Variants in GBF1 observed in about 807,000 individuals in gnomAD.
The protein encoded by GBF1 is Golgi-specific brefeldin A-resistance guanine nucleotide exchange factor 1.
Under a neutral mutation model 210.5 loss-of-function variants are expected in GBF1, and 114 were observed. The ratio of observed to expected loss-of-function variants is 0.54; its 90% CI spans 0.47 to 0.63. The LOEUF (loss-of-function observed/expected upper bound fraction) is 0.63, where lower values mean the gene tolerates loss of function less well. Ranked by LOEUF, GBF1 falls within the 30% of genes least tolerant of loss-of-function variation. The pLI is 0.00. For missense variants in GBF1, 1,851 were observed against 2,357.7 expected (o/e 0.79, Z 4.45); for synonymous variants, 850 against 889.2 (o/e 0.96, Z 0.78).
chr10:102,238,476 G>A, the GBF1 span, among the ~76,000 whole-genome samples: 3 of 152,184 alleles, frequency 2.0e-5, no homozygotes, highest in African/African-American at 7.2e-5. Flanking sequence ...ACAGCGGCAG[G>A]GGTAGTGGCC....
At chr10:102,367,060 A>C (rs2059955242) in intron 19 of GBF1, 25 bp from the exon 20 acceptor site, 1 of 1,613,292 alleles carries the variant, frequency 6.2e-7, no homozygotes, top group Non-Finnish European at 8.5e-7. Flanking sequence ...GGGCATTGAC[A>C]CAGGCGGGAT....
At chr10:102,300,850 G>C (rs943421278) in intron 3 of GBF1, among the ~76,000 whole-genome samples, 2 of 152,122 alleles carry the variant, frequency 1.3e-5, no homozygotes, top group Non-Finnish European at 2.9e-5. Flanking sequence ...GCTTTGAGGA[G>C]ACAATGCCAA....
rs374769408 is a variant in GBF1 at position 102,313,358 on chromosome 10, AC to A, written c.164-30691del. The stretch of plus-strand genomic sequence containing the variant: ...GGGCCCTTACGTGAAAGAAAACAAA[AC>A]CAGCCGCTCTGTGGGCCTGTAAAAT... On this transcript the variant is annotated intron_variant, in intron 3 of 39. Coordinates refer to ENST00000369983, the MANE Select transcript of GBF1 (RefSeq NM_001377137.1). Among the ~76,000 whole-genome samples, 636 of 151,822 alleles carry A rather than the reference AC, an allele frequency of 4.2e-3. 2 individuals are homozygous for A. Among genetic ancestry groups the A allele is most frequent in the Middle Eastern group, 6.9e-3 (2 of 290 alleles).
Position 102,359,348 on chromosome 10 carries a change from G to C in GBF1, c.1093G>C (p.Ala365Pro), listed in dbSNP as rs2059463705. Residue 365 changes from alanine to proline, a missense_variant, in exon 11 of 40, where the codon GCC becomes CCC. Physicochemically the swap from Ala to Pro is conservative, Grantham distance 27. This residue lies in a region of GBF1 where 804 missense variants were observed against 958.6 expected (regional missense o/e 0.84). Transcript: ENST00000369983. Reference sequence around the variant, plus strand: ...AGTGTTAGAGGAGTGCACGTCCCCTGCCGACCACTCTGACTCTGCCTCTGT... The same window carrying C: ...AGTGTTAGAGGAGTGCACGTCCCCTCCCGACCACTCTGACTCTGCCTCTGT... The part of the protein sequence containing the change: ...PEVLEECTSP[A>P]DHSDSASVHD... 1 of 1,612,566 alleles carries C rather than the reference G, an allele frequency of 6.2e-7. No homozygotes were observed. The highest frequency in any genetic ancestry group is 8.5e-7 in the Non-Finnish European group (1 of 1,178,592).
chr10:102,271,408 T>A (rs2074404402), intron 3 of GBF1, among the ~76,000 whole-genome samples: 2 of 152,106 alleles, frequency 1.3e-5, no homozygotes, highest in Non-Finnish European at 2.9e-5. Flanking sequence ...GTTCTCAAGC[T>A]CTTGGCCTCA....
At chr10:102,334,448 A>G (rs565231315) in intron 3 of GBF1, among the ~76,000 whole-genome samples, 9 of 152,294 alleles carry the variant, frequency 5.9e-5, no homozygotes, top group African/African-American at 2.2e-4. Flanking sequence ...CTTGTAGCTT[A>G]GGAGAGTATT....
At chr10:102,253,793 G>A (rs1031288892) in intron 1 of GBF1, among the ~76,000 whole-genome samples, 19 of 152,330 alleles carry the variant, frequency 1.2e-4, no homozygotes, top group African/African-American at 3.4e-4. Context: ...GATTATAGGC[G>A]TGAGCACCTG....
At chr10:102,306,783 T>C (rs1048647211) in intron 3 of GBF1, among the ~76,000 whole-genome samples, 3 of 152,204 alleles carry the variant, frequency 2.0e-5, no homozygotes, top group Non-Finnish European at 4.4e-5. Context: ...ATTATTAGCT[T>C]ATATTATTGA....
intron 3 of GBF1, among the ~76,000 whole-genome samples, chr10:102,314,125 A>T (rs1326917115): frequency 6.6e-6 from 1 of 150,838 alleles, no homozygotes; most frequent in Non-Finnish European, 1.5e-5. Context: ...AGGAAGAAGA[A>T]ATCCTTTAAA....
intron 29 of GBF1, among the ~76,000 whole-genome samples, chr10:102,374,509 C>T (rs1466141746): frequency 6.6e-6 from 1 of 151,832 alleles, no homozygotes; most frequent in Non-Finnish European, 1.5e-5. Context: ...CACTTGCGCC[C>T]AGGAGTTTGA....
chr10:102,347,886 T>A (rs1454771024), intron 4 of GBF1, among the ~76,000 whole-genome samples: 1 of 152,210 alleles, frequency 6.6e-6, no homozygotes, highest in African/African-American at 2.4e-5. Context: ...TAGCAAGCCT[T>A]GCCTATGGTT....
intron 3 of GBF1, among the ~76,000 whole-genome samples, chr10:102,285,830 T>A (rs2075887549): frequency 6.6e-6 from 1 of 152,162 alleles, no homozygotes; most frequent in African/African-American, 2.4e-5. Flanking sequence ...TCTTTGACTG[T>A]TTTCTCCAGT....
At chr10:102,281,618 AGATT>A (rs1343576708) in intron 3 of GBF1, among the ~76,000 whole-genome samples, 1 of 149,934 alleles carries the variant, frequency 6.7e-6, no homozygotes, top group African/African-American at 2.4e-5. Context: ...AATCTATAAT[AGATT>A]ATTTCTATAA....
Position 102,252,921 on chromosome 10 carries a change from G to A in GBF1, c.-10-6008G>A, listed in dbSNP as rs139792860. On this transcript the variant is annotated intron_variant, in intron 1 of 39. Coordinates refer to ENST00000369983, the MANE Select transcript of GBF1 (RefSeq NM_001377137.1). ...TATTATTATTATTTTTTGAGCCGGT[G>A]TCTTGCTCTGCTGCCCAGGCTGGAG... Among the ~76,000 whole-genome samples, 708 of 151,898 alleles carry A rather than the reference G, an allele frequency of 4.7e-3. 2 individuals are homozygous for A. The highest frequency in any genetic ancestry group is 8.0e-3 in the African/African-American group (333 of 41,408).
the GBF1 span, among the ~76,000 whole-genome samples, chr10:102,231,433 C>T: frequency 6.8e-6 from 1 of 147,214 alleles, no homozygotes; most frequent in African/African-American, 2.5e-5. Flanking sequence ...TGGAGGTTGG[C>T]GGGCAAGAGA....
intron 3 of GBF1, among the ~76,000 whole-genome samples, chr10:102,314,186 C>A (rs2134029521): frequency 7.4e-6 from 1 of 135,122 alleles, no homozygotes; most frequent in East Asian, 2.2e-4. Context: ...CGCTCTTTTG[C>A]CCAGGCTGGA....
At chr10:102,339,462 C>T (rs2058020706) in intron 3 of GBF1, among the ~76,000 whole-genome samples, 1 of 151,756 alleles carries the variant, frequency 6.6e-6, no homozygotes, top group African/African-American at 2.4e-5. Context: ...GTCAAGAGAT[C>T]GAGACCATCC....
At chr10:102,348,386 GTAA>G in intron 4 of GBF1, among the ~76,000 whole-genome samples, 1 of 152,318 alleles carries the variant, frequency 6.6e-6, no homozygotes, top group East Asian at 1.9e-4. Flanking sequence ...CTGATTCAAA[GTAA>G]TAATTTAAAA....
At chr10:102,316,084 CT>C (rs912378779) in intron 3 of GBF1, among the ~76,000 whole-genome samples, 140 of 133,100 alleles carry the variant, frequency 1.1e-3, no homozygotes, top group Admixed American at 2.5e-3. Context: ...CTTCCCTCCA[CT>C]TTTTTTTTTT....
Sources: allele counts gnomAD v4.1 joint callset (sites outside exome capture counted in the v4.1 genomes callset), GRCh38; gene constraint gnomAD v4.1.1; regional missense constraint gnomAD v4.1.1; transcripts MANE v1.5; gene names NCBI Gene and HGNC (gene_info 2026-07-23, HGNC 2026-07-21).